The following TRIM21 variants were observed in gnomAD, a reference collection of about 807,000 sequenced individuals.
TRIM21 encodes tripartite motif containing 21, also known as E3 ubiquitin-protein ligase TRIM21.
A neutral mutation model predicts 36.1 loss-of-function variants in TRIM21; 35 were observed. The observed-to-expected ratio is 0.97, with a 90% CI of 0.74 to 1.28. The LOEUF (loss-of-function observed/expected upper bound fraction) is 1.28. Among genes scored for constraint, TRIM21 ranks in the 50% most tolerant of loss-of-function variants. The probability of loss-of-function intolerance (pLI) is 0.00; values close to 1 mark genes in which losing one functional copy is unlikely to be tolerated. For synonymous variants in TRIM21, 256 were observed against 211.5 expected (o/e 1.21, Z -1.83); for missense variants, 635 against 570.7 (o/e 1.11, Z -1.15).
chr11:4,390,689 G>A (rs1225201552), intron 1 of TRIM21, among the ~76,000 whole-genome samples: 2 of 152,112 alleles, frequency 1.3e-5, no homozygotes, highest in African/African-American at 4.8e-5. Flanking sequence ...ATACTGTAGA[G>A]CTAAAGTAAC....
intron 2 of TRIM21, 99 bp from the exon 3 acceptor site, chr11:4,389,848 G>A: frequency 6.7e-7 from 1 of 1,488,300 alleles, no homozygotes; most frequent in Non-Finnish European, 9.4e-7. Context: ...TACGCCTGGG[G>A]AATGAGGTTG....
At chr11:4,388,586 G>A (rs753726950) in intron 3 of TRIM21, 56 bp from the exon 4 acceptor site, 13 of 1,552,662 alleles carry the variant, frequency 8.4e-6, no homozygotes, top group Non-Finnish European at 1.1e-5. Context: ...CCAAGCTTTG[G>A]GAATGGAGGT....
chr11:4,392,418 T>C (rs1304654671), intron 1 of TRIM21, among the ~76,000 whole-genome samples: 1 of 151,810 alleles, frequency 6.6e-6, no homozygotes, highest in African/African-American at 2.4e-5. Context: ...AATACAAAAA[T>C]TAGCTGGGAG....
chr11:4,389,854 G>T, intron 2 of TRIM21, 105 bp from the exon 3 acceptor site: 1 of 1,490,802 alleles, frequency 6.7e-7, no homozygotes, highest in South Asian at 1.1e-5. Context: ...TGGGGAATGA[G>T]GTTGGGTTTA....
rs2094955113 is a variant in TRIM21, at chr11:4,385,430, G to GA, written c.1282dup (p.Ser428PhefsTer8). The GA allele has an allele frequency of 1.1e-5, 17 of 1,613,598 alleles. No homozygotes were observed. In the Middle Eastern group the frequency reaches 6.6e-4, roughly 63 times the overall value. ...ACATTCAGAGAAGGAGTAGATGAGG[G>GA]AGCCATGGTCAGTGATGTTGTAGAA... is the stretch of plus-strand genomic sequence containing the variant. On this transcript the variant is annotated frameshift_variant, in exon 7 of 7. Coordinates refer to ENST00000254436, the MANE Select transcript of TRIM21 (RefSeq NM_003141.4). LOFTEE classifies it low-confidence loss of function (END_TRUNC).
In TRIM21 at chr11:4,385,723, C is replaced by CTA; in HGVS notation, c.989_990insTA (p.Met330IlefsTer18). On this transcript the variant is annotated frameshift_variant, in exon 7 of 7. Transcript: ENST00000254436. LOFTEE classifies it low-confidence loss of function (END_TRUNC). The stretch of plus-strand genomic sequence containing the variant: ...AGTGAAAGTGCTGGGCACCCAGGAC[C>CTA]ATAGGATAACTATCAAATCTCTCTT... 6.2e-7 allele frequency: 1 copy of CTA among 1,613,164 alleles called. No individual in the cohort carries two copies. The highest frequency in any genetic ancestry group is 8.5e-7 in the Non-Finnish European group (1 of 1,179,584).
rs767202191 is a variant in TRIM21, at chr11:4,385,308, A to G, written c.1405T>C (p.Ser469Pro). 1.2e-6 allele frequency: 2 copies of G among 1,612,532 alleles called. No individual in the cohort carries two copies. The highest frequency in any genetic ancestry group is 2.2e-5 in the East Asian group (1 of 44,874). Residue 469 changes from serine to proline, a missense_variant, in exon 7 of 7, where the codon TCA becomes CCA. Coordinates refer to ENST00000254436, the MANE Select transcript of TRIM21 (RefSeq NM_003141.4). ...PLTLCPLNIG[S>P]QGSTDY Reference sequence around the variant, plus strand: ...CATCAATAGTCAGTGGATCCTTGTGATCCAATATTCAGTGGACAGAGGGTT... The same window carrying G: ...CATCAATAGTCAGTGGATCCTTGTGGTCCAATATTCAGTGGACAGAGGGTT...
intron 4 of TRIM21, among the ~76,000 whole-genome samples, chr11:4,387,938 A>G (rs1346326559): frequency 2.0e-5 from 3 of 152,228 alleles, no homozygotes; most frequent in African/African-American, 7.2e-5. Flanking sequence ...CAAACCTGAA[A>G]GCAATGGCTC....
At chr11:4,389,263 A>T (rs1293929037) in intron 3 of TRIM21, among the ~76,000 whole-genome samples, 1 of 152,162 alleles carries the variant, frequency 6.6e-6, no homozygotes, top group Non-Finnish European at 1.5e-5. Context: ...CCTTAAGTTT[A>T]TTCCTCACAG....
At chr11:4,386,282 C>T (rs770396502) in intron 5 of TRIM21, 25 bp from the exon 6 acceptor site, 1 of 1,572,066 alleles carries the variant, frequency 6.4e-7, no homozygotes, top group South Asian at 1.1e-5. Context: ...GTTTGAGACT[C>T]CTGTCTCCTA....
chr11:4,392,960 C>T (rs1405205364), intron 1 of TRIM21, among the ~76,000 whole-genome samples: 1 of 152,134 alleles, frequency 6.6e-6, no homozygotes, highest in Non-Finnish European at 1.5e-5. Flanking sequence ...CTTCATTAAT[C>T]CCTCCTATAA....
intron 4 of TRIM21, among the ~76,000 whole-genome samples, chr11:4,388,072 A>G (rs1275355566): frequency 6.6e-6 from 1 of 152,228 alleles, no homozygotes; most frequent in East Asian, 1.9e-4. Context: ...TCATTGGTGG[A>G]TGCAAGATGA....
At chr11:4,386,353 A>G (rs763776779) in intron 5 of TRIM21, 96 bp from the exon 6 acceptor site, 9 of 1,051,300 alleles carry the variant, frequency 8.6e-6, no homozygotes, top group African/African-American at 4.7e-5. Context: ...AATTTAATTC[A>G]ACTCAAATTT....
chr11:4,386,401 G>T, intron 5 of TRIM21, 144 bp from the exon 6 acceptor site: 1 of 741,556 alleles, frequency 1.3e-6, no homozygotes, highest in Non-Finnish European at 2.4e-6. Context: ...AGGAGTGGGT[G>T]TGAGAGGCAA....
At chr11:4,393,549 T>C (rs1350102867) in intron 1 of TRIM21, 84 bp downstream of exon 1, 2 of 152,522 alleles carry the variant, frequency 1.3e-5, no homozygotes, top group Non-Finnish European at 2.9e-5. Context: ...GGATGGAGAC[T>C]GGAAGGGGCT....
intron 3 of TRIM21, among the ~76,000 whole-genome samples, chr11:4,389,431 G>A (rs1418524538): frequency 1.3e-5 from 2 of 152,186 alleles, no homozygotes; most frequent in African/African-American, 4.8e-5. Flanking sequence ...CCTTCTTCCA[G>A]GATTCTTGAT....
intron 2 of TRIM21, 98 bp from the exon 3 acceptor site, chr11:4,389,847 G>A: frequency 1.3e-6 from 2 of 1,489,604 alleles, no homozygotes; most frequent in Non-Finnish European, 1.9e-6. Flanking sequence ...CTACGCCTGG[G>A]GAATGAGGTT....
chr11:4,386,447 G>T (rs975810698), intron 5 of TRIM21, 190 bp from the exon 6 acceptor site: 1 of 642,192 alleles, frequency 1.6e-6, no homozygotes, highest in Admixed American at 2.3e-5. Context: ...AGGAGTTCCT[G>T]GTTATAGGAG....
intron 1 of TRIM21, among the ~76,000 whole-genome samples, chr11:4,391,662 T>G (rs1488519245): frequency 6.6e-6 from 1 of 152,190 alleles, no homozygotes; most frequent in Admixed American, 6.5e-5. Flanking sequence ...TAGCCAAGAT[T>G]TGGAAGCAAT....
Sources: gnomAD v4.1 joint callset for allele counts (sites outside exome capture counted in the v4.1 genomes callset) on GRCh38, gnomAD v4.1.1 for gene constraint, MANE v1.5 for transcripts, NCBI Gene and HGNC (gene_info 2026-07-23, HGNC 2026-07-21) for gene names.